Variants in CDH8 observed in about 807,000 individuals in gnomAD.
CDH8 encodes cadherin 8.
Under a neutral mutation model 68.1 loss-of-function variants are expected in CDH8, and 17 were observed. That is an observed-to-expected ratio of 0.25 (90% CI 0.17 to 0.37). The LOEUF is 0.37. Ranked by LOEUF, CDH8 falls within the 10% of genes least tolerant of loss-of-function variation. The pLI is 1.00. For missense variants in CDH8, 763 were observed against 999.3 expected, an observed-to-expected ratio of 0.76 and a Z score of 3.19; for synonymous variants, 372 against 365.1, an observed-to-expected ratio of 1.02 and a Z score of -0.21.
chr16:62,027,998 T>C (rs946690887), intron 1 of CDH8, among the ~76,000 whole-genome samples: 1 of 152,070 alleles, frequency 6.6e-6, no homozygotes, highest in Admixed American at 6.6e-5. Context: ...TATCCAGATG[T>C]CAATCTGTCC....
At chr16:61,993,401 CTTCTGCCTCCCGGGTTCAAGTGA>C (rs1436985036) in intron 2 of CDH8, among the ~76,000 whole-genome samples, 1 of 150,662 alleles carries the variant, frequency 6.6e-6, no homozygotes, top group Non-Finnish European at 1.5e-5. Context: ...CTCACAGCAA[CTTCTGCCTCCCGGGTTCAAGTGA>C]TTCTCCTGCT....
In CDH8 at chr16:61,647,858, G is replaced by A. The variant is rs1338129622; in HGVS notation, c.*5750C>T. On this transcript the variant is annotated 3_prime_UTR_variant, in exon 12 of 12. Coordinates refer to ENST00000577390, the MANE Select transcript of CDH8 (RefSeq NM_001796.5). ...TCTTTCTCTTCAGACAGCATCTTGT[G>A]ATATTCCTCCTAGCAACCCTCTTCT... is the stretch of plus-strand genomic sequence containing the variant. 1.4e-5 allele frequency: 10 copies of A among 699,392 alleles called. No homozygotes were observed. In the East Asian group the frequency reaches 2.4e-4, roughly 17 times the overall value. The allele number at this position is 699,392 out of a possible 1,614,324, so 43.3% of individuals were successfully genotyped here. A position where few individuals can be genotyped will look rare whatever the true frequency, so the allele number is the denominator to read the frequency against.
At chr16:61,752,688 A>G (rs985363619) in intron 8 of CDH8, among the ~76,000 whole-genome samples, 2 of 152,202 alleles carry the variant, frequency 1.3e-5, no homozygotes, top group African/African-American at 2.4e-5. Flanking sequence ...AAACCCTGCA[A>G]TTACATGCAA....
At chr16:61,957,922 A>C (rs912954801) in intron 2 of CDH8, among the ~76,000 whole-genome samples, 1 of 152,058 alleles carries the variant, frequency 6.6e-6, no homozygotes, top group Non-Finnish European at 1.5e-5. Context: ...TAGAACAGCC[A>C]CTCAATACAA....
In CDH8 at chr16:61,868,059, T is replaced by C. The variant is rs563133499; in HGVS notation, c.548-10821A>G. On this transcript the variant is annotated intron_variant, in intron 3 of 11. Coordinates refer to ENST00000577390, the MANE Select transcript of CDH8 (RefSeq NM_001796.5). ...TCCTTGTTATACAAGTGCTGAGAACTATACCTGATATGAAATATTTATTCA... is the reference window on the plus strand; with the variant it reads ...TCCTTGTTATACAAGTGCTGAGAACCATACCTGATATGAAATATTTATTCA... Among the ~76,000 whole-genome samples, 3 of 152,306 alleles carry C rather than the reference T, an allele frequency of 2.0e-5. No individual in the cohort carries two copies. The East Asian group carries it at 5.8e-4, about 29-fold the overall frequency.
intron 2 of CDH8, among the ~76,000 whole-genome samples, chr16:61,938,654 T>C (rs1964664166): frequency 6.6e-6 from 1 of 152,218 alleles, no homozygotes; most frequent in South Asian, 2.1e-4. Context: ...CTCTGGTTGT[T>C]AGTCATAGCT....
chr16:61,808,875 G>A (rs558413674), intron 7 of CDH8, among the ~76,000 whole-genome samples: 62 of 152,220 alleles, frequency 4.1e-4, no homozygotes, highest in Middle Eastern at 6.8e-3. Context: ...AAAGGATGAC[G>A]GTGGCTGTGT....
At chr16:61,935,711 A>C (rs1474220714) in intron 2 of CDH8, among the ~76,000 whole-genome samples, 1 of 152,158 alleles carries the variant, frequency 6.6e-6, no homozygotes, top group Non-Finnish European at 1.5e-5. Context: ...ACTGTGAATT[A>C]AAAGCACCTA....
chr16:61,751,382 T>TAAAAAAAAAAAAAAAA (rs71134375), intron 8 of CDH8, among the ~76,000 whole-genome samples: 1 of 54,152 alleles, frequency 1.8e-5, no homozygotes, highest in African/African-American at 7.8e-5. Flanking sequence ...ATATTCTCCT[T>TAAAAAAAAAAAAAAAA]AAAAAAAAAA....
At chr16:61,953,383 A>AGAAAAATTTATTTATTTG (rs1964926919) in intron 2 of CDH8, among the ~76,000 whole-genome samples, 1 of 152,184 alleles carries the variant, frequency 6.6e-6, no homozygotes, top group Non-Finnish European at 1.5e-5. Context: ...GTACAGGAAC[A>AGAAAAATTTATTTATTTG]CTATTAATTT....
intron 10 of CDH8, among the ~76,000 whole-genome samples, chr16:61,691,076 G>A (rs1370795103): frequency 6.6e-6 from 1 of 152,012 alleles, no homozygotes; most frequent in Non-Finnish European, 1.5e-5. Context: ...GAAAAGGCCT[G>A]TTTTCCCTTA....
At chr16:61,762,598 C>T (rs1381012229) in intron 8 of CDH8, among the ~76,000 whole-genome samples, 1 of 152,078 alleles carries the variant, frequency 6.6e-6, no homozygotes, top group South Asian at 2.1e-4. Context: ...TTCAAATTCT[C>T]AGGCCCCAAA....
chr16:61,838,363 T>A (rs1962612060), intron 4 of CDH8, among the ~76,000 whole-genome samples: 1 of 152,096 alleles, frequency 6.6e-6, no homozygotes, highest in African/African-American at 2.4e-5. Flanking sequence ...TGAACGGATA[T>A]TGAAGTTCCA....
chr16:61,689,954 A>C (rs1964185451), intron 10 of CDH8, among the ~76,000 whole-genome samples: 1 of 152,038 alleles, frequency 6.6e-6, no homozygotes, highest in Non-Finnish European at 1.5e-5. Flanking sequence ...CCACTGATTT[A>C]GACTGTCTTT....
Position 61,655,453 on chromosome 16 carries a change from A to T in CDH8, c.1906+17T>A. ...TCAGAAAAAGGGTGACCGGTAGGCT[A>T]TGAAGGAAATACGTACCTAACAGCA... is the stretch of plus-strand genomic sequence containing the variant. On this transcript the variant is annotated intron_variant, in intron 11 of 11. Transcript: ENST00000577390. 1 of 1,613,406 alleles carries T rather than the reference A, an allele frequency of 6.2e-7. No homozygotes were observed. The highest frequency in any genetic ancestry group is 8.5e-7 in the Non-Finnish European group (1 of 1,179,490).
At chr16:61,991,507 A>G (rs1354813957) in intron 2 of CDH8, among the ~76,000 whole-genome samples, 5 of 152,236 alleles carry the variant, frequency 3.3e-5, no homozygotes, top group East Asian at 3.9e-4. Context: ...ATGCTTGCAC[A>G]TATTTCACTT....
chr16:61,954,374 A>C (rs1426480993), intron 2 of CDH8, among the ~76,000 whole-genome samples: 1 of 152,160 alleles, frequency 6.6e-6, no homozygotes, highest in African/African-American at 2.4e-5. Flanking sequence ...GTCTCTATTA[A>C]AAACTGGGAC....
At chr16:61,837,571 T>A (rs1442317731) in intron 4 of CDH8, among the ~76,000 whole-genome samples, 1 of 152,018 alleles carries the variant, frequency 6.6e-6, no homozygotes, top group African/African-American at 2.4e-5. Flanking sequence ...ATCTCTACAT[T>A]CTAAGTGTGG....
intron 10 of CDH8, among the ~76,000 whole-genome samples, chr16:61,671,367 A>C (rs981188540): frequency 6.6e-6 from 1 of 151,272 alleles, no homozygotes; most frequent in Non-Finnish European, 1.5e-5. Context: ...TGGGGAAGCT[A>C]TTATGCTCTG....
Sources: gnomAD v4.1 joint callset for allele counts (sites outside exome capture counted in the v4.1 genomes callset) on GRCh38, gnomAD v4.1.1 for gene constraint, MANE v1.5 for transcripts, NCBI Gene and HGNC (gene_info 2026-07-23, HGNC 2026-07-21) for gene names.